Variants in RCBTB2 observed in about 807,000 individuals in gnomAD.
RCBTB2 encodes RCC1 and BTB domain containing protein 2, also known as RCC1 and BTB domain-containing protein 2.
A neutral mutation model predicts 65.4 loss-of-function variants in RCBTB2; 55 were observed. The observed-to-expected ratio is 0.84, with a 90% CI of 0.68 to 1.05. The LOEUF (loss-of-function observed/expected upper bound fraction) is 1.05. Ranked by LOEUF, RCBTB2 falls within the 50% of genes least tolerant of loss-of-function variation. The pLI is 0.00. For synonymous variants in RCBTB2, 220 were observed against 255.2 expected (o/e 0.86, Z 1.31); for missense variants, 599 against 680.1 (o/e 0.88, Z 1.33).
At chr13:48,522,107 A>G in intron 3 of RCBTB2, 145 bp from the exon 4 acceptor site, 1 of 788,756 alleles carries the variant, frequency 1.3e-6, no homozygotes, top group Non-Finnish European at 2.0e-6. Context: ...AGCTTTAGGC[A>G]TGGGAATGAA....
chr13:48,489,898 A>G lies in RCBTB2; in HGVS notation c.*213T>C, dbSNP rs1043297946. On this transcript the variant is annotated 3_prime_UTR_variant, in exon 15 of 15. Coordinates refer to ENST00000344532, the MANE Select transcript of RCBTB2 (RefSeq NM_001268.4). ...AAGATATTTCAATTTTTTTTCCTTG[A>G]CCTTAGTCACATCTGATCAGAACAT... 5.8e-5 allele frequency: 34 copies of G among 584,436 alleles called. No homozygotes were observed. The highest frequency in any genetic ancestry group is 1.2e-5 in the Non-Finnish European group (4 of 334,734). The allele number at this position is 584,436 out of a possible 1,614,324, so 36.2% of individuals were successfully genotyped here.
intron 10 of RCBTB2, among the ~76,000 whole-genome samples, chr13:48,504,685 T>C (rs2138481517): frequency 1.3e-5 from 2 of 152,336 alleles, no homozygotes; most frequent in Middle Eastern, 3.4e-3. Context: ...GGTGTCTTAC[T>C]GAATATAATC....
intron 1 of RCBTB2, among the ~76,000 whole-genome samples, chr13:48,527,361 T>TATATATATATATCATATA: frequency 8.9e-6 from 1 of 112,446 alleles, no homozygotes; most frequent in African/African-American, 5.5e-5. Context: ...TGATATATAT[T>TATATATATATATCATATA]TATATATGAT....
intron 13 of RCBTB2, among the ~76,000 whole-genome samples, chr13:48,498,560 G>A (rs982833474): frequency 2.0e-5 from 3 of 152,056 alleles, no homozygotes; most frequent in Non-Finnish European, 4.4e-5. Context: ...GAGAAACCTC[G>A]TTTCTACTAA....
At chr13:48,522,758 G>T (rs1951498763) in intron 2 of RCBTB2, among the ~76,000 whole-genome samples, 1 of 152,144 alleles carries the variant, frequency 6.6e-6, no homozygotes, top group Admixed American at 6.5e-5. Context: ...AATTGACGAG[G>T]TAGGGTCTAT....
chr13:48,532,270 A>G (rs117147995), intron 1 of RCBTB2: 2,026 of 152,388 alleles, frequency 0.013, 22 homozygotes, highest in Middle Eastern at 0.024. Context: ...GCAGAGCACT[A>G]TGTTGCGGCT....
At chr13:48,524,183 T>C (rs974873159) in intron 2 of RCBTB2, among the ~76,000 whole-genome samples, 2 of 152,192 alleles carry the variant, frequency 1.3e-5, no homozygotes, top group African/African-American at 4.8e-5. Flanking sequence ...TTTGCATGTA[T>C]AGTTTGTGCA....
intron 10 of RCBTB2, among the ~76,000 whole-genome samples, chr13:48,508,471 C>T (rs929323582): frequency 6.6e-6 from 1 of 151,270 alleles, no homozygotes; most frequent in Non-Finnish European, 1.5e-5. Flanking sequence ...TGCAGTGTCG[C>T]GATCTCACTG....
chr13:48,515,479 C>A, intron 5 of RCBTB2, 107 bp downstream of exon 5: 1 of 1,370,212 alleles, frequency 7.3e-7, no homozygotes, highest in Non-Finnish European at 9.9e-7. Context: ...AACCTAATTT[C>A]CATGCTTTTT....
intron 14 of RCBTB2, among the ~76,000 whole-genome samples, chr13:48,493,307 A>ACTCTCT (rs1483026433): frequency 4.3e-4 from 27 of 63,082 alleles, no homozygotes; most frequent in South Asian, 1.2e-3. Context: ...ACACACACAC[A>ACTCTCT]CACACACACT....
intron 4 of RCBTB2, among the ~76,000 whole-genome samples, chr13:48,521,156 T>C (rs1951402919): frequency 6.6e-6 from 1 of 152,222 alleles, no homozygotes; most frequent in Admixed American, 6.5e-5. Context: ...ATTACTTTTG[T>C]AAACTACTTT....
intron 10 of RCBTB2, among the ~76,000 whole-genome samples, chr13:48,503,669 C>T (rs1950353954): frequency 6.6e-6 from 1 of 152,190 alleles, no homozygotes; most frequent in African/African-American, 2.4e-5. Flanking sequence ...CTACCTCAGC[C>T]TCTGTAGTAG....
At chr13:48,512,692 GA>G (rs748995890) in intron 7 of RCBTB2, 36 bp downstream of exon 7, 7 of 1,576,374 alleles carry the variant, frequency 4.4e-6, no homozygotes, top group Non-Finnish European at 5.2e-6. Flanking sequence ...TAATCTTATT[GA>G]AAAAAATCAA....
At chr13:48,532,049 G>A (rs1952161249) in intron 1 of RCBTB2, 1 of 152,240 alleles carries the variant, frequency 6.6e-6, no homozygotes, top group Admixed American at 6.5e-5. Flanking sequence ...GCTCTGACAA[G>A]GTAAGTCGCC....
intron 10 of RCBTB2, among the ~76,000 whole-genome samples, chr13:48,508,651 G>T (rs964907785): frequency 6.6e-6 from 1 of 152,144 alleles, no homozygotes; most frequent in Non-Finnish European, 1.5e-5. Flanking sequence ...TGATCCGCCC[G>T]CCTTGGCCTC....
chr13:48,526,910 C>T (rs1284153375), intron 1 of RCBTB2, among the ~76,000 whole-genome samples: 1 of 151,772 alleles, frequency 6.6e-6, no homozygotes, highest in Non-Finnish European at 1.5e-5. Context: ...AGTGAGACTC[C>T]ATCTCAAAAA....
chr13:48,493,316 C>CACACACACT lies in RCBTB2; in HGVS notation c.1515+2874_1515+2875insAGTGTGTGT, dbSNP rs1566254752. ...ACACACACACACACACACACACACACTCTCTCTCTCTCTCTCTCTCTCTCT... is the reference window on the plus strand; with the variant it reads ...ACACACACACACACACACACACACACACACACACTTCTCTCTCTCTCTCTCTCTCTCTCT... On this transcript the variant is annotated intron_variant, in intron 14 of 14. Coordinates refer to ENST00000344532, the MANE Select transcript of RCBTB2 (RefSeq NM_001268.4). 1.0e-3 allele frequency among the ~76,000 whole-genome samples: 26 copies of CACACACACT among 24,796 alleles called. 1 individual carries two copies. The highest frequency in any genetic ancestry group is 3.7e-3 in the Admixed American group (7 of 1,868). 16.3% of individuals were successfully genotyped at this position (24,796 alleles called of 152,430 possible). A position where few individuals can be genotyped will look rare whatever the true frequency, so the allele number is the denominator to read the frequency against.
intron 2 of RCBTB2, among the ~76,000 whole-genome samples, chr13:48,523,578 C>G (rs917257784): frequency 6.6e-6 from 1 of 152,074 alleles, no homozygotes; most frequent in Non-Finnish European, 1.5e-5. Context: ...TCTGCCTCAC[C>G]CTATCAGGAA....
chr13:48,516,535 C>G (rs1345273330), intron 4 of RCBTB2, among the ~76,000 whole-genome samples: 1 of 152,174 alleles, frequency 6.6e-6, no homozygotes. Flanking sequence ...ATCATCTCCC[C>G]CCATGCCCTG....
Sources: gnomAD v4.1 joint callset for allele counts (sites outside exome capture counted in the v4.1 genomes callset) on GRCh38, gnomAD v4.1.1 for gene constraint, MANE v1.5 for transcripts, NCBI Gene and HGNC (gene_info 2026-07-23, HGNC 2026-07-21) for gene names.